Variants in TLR6 observed in about 807,000 individuals in gnomAD.
TLR6 encodes toll-like receptor 6.
Under a neutral mutation model 16.1 loss-of-function variants are expected in TLR6, and 9 were observed. The observed-to-expected ratio is 0.56, with a 90% CI of 0.34 to 0.98. TLR6 has a LOEUF of 0.98. Among genes scored for constraint, TLR6 ranks in the 50% least tolerant of loss-of-function variants. The pLI, the probability that TLR6 is intolerant of heterozygous loss-of-function variation, is 0.02. For synonymous variants in TLR6, 340 were observed against 338.6 expected (o/e 1.00, Z -0.04); for missense variants, 786 against 921.0 (o/e 0.85, Z 1.90).
At chr4:38,862,907 T>A in the TLR6 span, among the ~76,000 whole-genome samples, 2 of 136,410 alleles carry the variant, frequency 1.5e-5, no homozygotes, top group Admixed American at 8.0e-5. Flanking sequence ...CAATCACATT[T>A]TAAAGCAATA....
At chr4:38,855,169 G>A (rs1012738038) in intron 1 of TLR6, among the ~76,000 whole-genome samples, 2 of 149,090 alleles carry the variant, frequency 1.3e-5, no homozygotes, top group Non-Finnish European at 3.0e-5. Context: ...CCGAGATCGT[G>A]CCGCTGCACT....
At chr4:38,828,670 T>C (rs949399483) in exon 2 of TLR6, 2 of 1,614,190 alleles carry the variant, frequency 1.2e-6, no homozygotes, top group Non-Finnish European at 8.5e-7. Flanking sequence ...ATTGAAAGAC[T>C]CTGACCAGGC....
In TLR6 at chr4:38,828,085, CTTTAT is replaced by C. The variant is rs765154909; in HGVS notation, c.1384_1388del (p.Ile462GlufsTer4). ...GTTTTACGACTTGTTTAGGAACGCT[CTTTAT>C]TTTATTGCTGTGAAGATCAAGTACC... On this transcript the variant is annotated frameshift_variant, in exon 2 of 2. Coordinates refer to ENST00000436693, the Ensembl canonical transcript of TLR6. LOFTEE classifies it high-confidence loss of function. 1 of 1,614,062 alleles carries C rather than the reference CTTTAT, an allele frequency of 6.2e-7. No homozygotes were observed. Among genetic ancestry groups the C allele is most frequent in the African/African-American group, 1.3e-5 (1 of 74,908 alleles).
chr4:38,839,096 G>T (rs1712104092), intron 1 of TLR6, among the ~76,000 whole-genome samples: 1 of 123,352 alleles, frequency 8.1e-6, no homozygotes, highest in Non-Finnish European at 1.7e-5. Flanking sequence ...GGAAGGAAGG[G>T]AGGGAGGGGA....
chr4:38,831,085 T>C (rs572412094), intron 1 of TLR6, among the ~76,000 whole-genome samples: 17 of 151,224 alleles, frequency 1.1e-4, no homozygotes, highest in South Asian at 4.2e-4. Flanking sequence ...CCACCTAACA[T>C]TGAGACTTGC....
the TLR6 span, among the ~76,000 whole-genome samples, chr4:38,866,113 A>T: frequency 2.0e-5 from 3 of 151,896 alleles, no homozygotes; most frequent in Non-Finnish European, 4.4e-5. Flanking sequence ...ACAGATCAAG[A>T]CTCTGTCCTC....
chr4:38,829,367 A>C (rs1275789319), exon 2 of TLR6: 1 of 1,614,146 alleles, frequency 6.2e-7, no homozygotes, highest in Non-Finnish European at 8.5e-7. Flanking sequence ...TGACTTGTCT[A>C]CTGCAAATTC....
chr4:38,855,134 C>A (rs1040349552), intron 1 of TLR6, among the ~76,000 whole-genome samples: 1 of 151,600 alleles, frequency 6.6e-6, no homozygotes, highest in African/African-American at 2.4e-5. Flanking sequence ...ATGGCGTGAA[C>A]CCGGGAGGCG....
Position 38,848,406 on chromosome 4 carries a change from G to A in TLR6, c.-65+8355C>T, listed in dbSNP as rs148969299. On this transcript the variant is annotated intron_variant, in intron 1 of 1. Transcript: ENST00000436693. ...CCACTCCAAAGGAACGCAGCTCCTC[G>A]CCAGCAACGGAACAAAGCTGGAGAG... Among the ~76,000 whole-genome samples, 930 of 152,346 alleles carry A rather than the reference G, an allele frequency of 6.1e-3. 13 individuals carry two copies. The highest frequency in any genetic ancestry group is 0.021 in the African/African-American group (860 of 41,574).
chr4:38,855,546 G>A (rs1410417975), intron 1 of TLR6, among the ~76,000 whole-genome samples: 1 of 152,144 alleles, frequency 6.6e-6, no homozygotes, highest in Non-Finnish European at 1.5e-5. Context: ...TATAAAGATG[G>A]AGAACTTTCA....
At chr4:38,823,703 G>A (rs551422410), downstream of TLR6, 5 of 152,174 alleles carry the variant, frequency 3.3e-5, 1 homozygote, top group Admixed American at 2.6e-4. Context: ...GTTTTTCTTT[G>A]TTTTTTGTTT....
chr4:38,839,834 T>C (rs1231132958), intron 1 of TLR6, among the ~76,000 whole-genome samples: 1 of 152,238 alleles, frequency 6.6e-6, no homozygotes, highest in East Asian at 1.9e-4. Flanking sequence ...GTGTGGCCTA[T>C]TGGGGCATTT....
chr4:38,860,124 G>C (rs953234999), upstream of TLR6, among the ~76,000 whole-genome samples: 1 of 152,100 alleles, frequency 6.6e-6, no homozygotes, highest in African/African-American at 2.4e-5. Context: ...CAGCTTTAAA[G>C]TAAGTTTTGT....
chr4:38,864,124 TA>T, the TLR6 span, among the ~76,000 whole-genome samples: 1 of 152,228 alleles, frequency 6.6e-6, no homozygotes, highest in Non-Finnish European at 1.5e-5. Flanking sequence ...ACTTTATCAG[TA>T]AGGACTTCCT....
At chr4:38,867,941 G>A in the TLR6 span, 48,061 of 255,526 alleles carry the variant, frequency 0.19, 6,357 homozygotes, top group Non-Finnish European at 0.27. Context: ...CGCCTCGTCC[G>A]GGACCCACGA....
At chr4:38,852,918 A>G (rs1482632172) in intron 1 of TLR6, among the ~76,000 whole-genome samples, 2 of 152,184 alleles carry the variant, frequency 1.3e-5, no homozygotes, top group Admixed American at 1.3e-4. Context: ...GCTGCTATAA[A>G]GATACATGCA....
the TLR6 span, chr4:38,867,650 CG>C: frequency 6.6e-6 from 1 of 151,766 alleles, no homozygotes; most frequent in Non-Finnish European, 1.5e-5. Flanking sequence ...TCGCCCAGCG[CG>C]GGCCCGGCCC....
the TLR6 span, among the ~76,000 whole-genome samples, chr4:38,864,876 A>G: frequency 3.9e-5 from 6 of 152,206 alleles, no homozygotes; most frequent in Admixed American, 1.3e-4. Flanking sequence ...TGCTGGGTGC[A>G]GTGGCACCCT....
chr4:38,850,093 C>A (rs995562500), intron 1 of TLR6, among the ~76,000 whole-genome samples: 1 of 152,330 alleles, frequency 6.6e-6, no homozygotes, highest in Middle Eastern at 3.4e-3. Context: ...AACCACTCAA[C>A]TACATGGAAA....
Sources: allele counts gnomAD v4.1 joint callset (sites outside exome capture counted in the v4.1 genomes callset), GRCh38; gene constraint gnomAD v4.1.1; transcripts MANE v1.5; gene names NCBI Gene and HGNC (gene_info 2026-07-23, HGNC 2026-07-21).